SCARF2: variants seen among roughly 807,000 people sequenced by gnomAD.
SCARF2 encodes scavenger receptor class F member 2, also known as scavenger receptor expressed by endothelial cells 2 protein.
SCARF2 carries 39 observed loss-of-function variants against 73.4 expected under a neutral mutation model. That is an observed-to-expected ratio of 0.53 (90% CI 0.41 to 0.69). The LOEUF (loss-of-function observed/expected upper bound fraction) is 0.69. Ranked by LOEUF, SCARF2 falls within the 30% of genes least tolerant of loss-of-function variation. The pLI is 0.00. For synonymous variants in SCARF2, 605 were observed against 590.0 expected (o/e 1.03, Z -0.37); for missense variants, 1,148 against 1,303.5 (o/e 0.88, Z 1.84).
At chr22:20,426,379 G>T in intron 10 of SCARF2, 97 bp from the exon 11 acceptor site, 2 of 1,372,650 alleles carry the variant, frequency 1.5e-6, no homozygotes, top group Non-Finnish European at 2.0e-6. Context: ...CTCTACCCAC[G>T]CCCTTGGCAC....
At position 20,429,104 on chromosome 22, in the gene SCARF2, C is replaced by T. The variant is rs2072455237; in HGVS notation, c.1540+121G>A. ...CTGGTCGCACCTCCTCGCGCCCACG[C>T]ACATCAACACTCAAGGTCCCCCATT... On this transcript the variant is annotated intron_variant, in intron 9 of 10. Coordinates refer to ENST00000622235, the MANE Select transcript of SCARF2 (RefSeq NM_182895.5). The surrounding 1 kb of genome is among the most constrained non-coding windows in gnomAD (Gnocchi z 5.2). 1.5e-6 allele frequency: 2 copies of T among 1,341,748 alleles called. No individual in the cohort carries two copies. Among genetic ancestry groups the T allele is most frequent in the Non-Finnish European group, 1.1e-6 (1 of 944,272 alleles). 83.1% of individuals were successfully genotyped at this position (1,341,748 alleles called of 1,614,324 possible).
At chr22:20,432,148 T>G (rs1354640321) in intron 1 of SCARF2, among the ~76,000 whole-genome samples, 160 bp from the exon 2 acceptor site, 1 of 151,838 alleles carries the variant, frequency 6.6e-6, no homozygotes, top group Non-Finnish European at 1.5e-5. Context: ...CGTCTGGCGG[T>G]GGAGGATTGC....
chr22:20,429,660 G>A lies in SCARF2; in HGVS notation c.1307-7C>T, dbSNP rs758312309. 21 of 1,613,896 alleles carry A rather than the reference G, an allele frequency of 1.3e-5. No homozygotes were observed. The highest frequency in any genetic ancestry group is 3.3e-5 in the Admixed American group (2 of 60,006). On this transcript the variant is annotated splice_polypyrimidine_tract_variant and splice_region_variant and intron_variant, in intron 7 of 10. Coordinates refer to ENST00000622235, the MANE Select transcript of SCARF2 (RefSeq NM_182895.5). The surrounding 1 kb of genome is among the most constrained non-coding windows in gnomAD (Gnocchi z 5.2). Reference sequence around the variant, plus strand: ...CCCTTGCGCTGGTTGGTTTCTGTAGGGGGTTATGGGGTCAGCGCGGTTTCT... The same window carrying A: ...CCCTTGCGCTGGTTGGTTTCTGTAGAGGGTTATGGGGTCAGCGCGGTTTCT...
At chr22:20,437,192 G>A (rs1333669347) in intron 1 of SCARF2, among the ~76,000 whole-genome samples, 2 of 152,186 alleles carry the variant, frequency 1.3e-5, no homozygotes, top group African/African-American at 4.8e-5. Context: ...CCCACTCCCG[G>A]CTCCAGTCGG....
rs550586346 is a variant in SCARF2 at position 20,426,980 on chromosome 22, C to T, written c.1693+418G>A. ...TGAGGCTCTGAGTTGGTCACCTGCC[C>T]GTGGCATCTGGGGGCACAGTCAAGG... is the stretch of plus-strand genomic sequence containing the variant. On this transcript the variant is annotated intron_variant, in intron 10 of 10. Transcript: ENST00000622235. Among the ~76,000 whole-genome samples the T allele has an allele frequency of 2.0e-4, 30 of 152,066 alleles. 1 individual carries two copies. In the South Asian group the frequency reaches 5.8e-3, roughly 29 times the overall value.
chr22:20,430,737 A>C lies in SCARF2; in HGVS notation c.1026T>G (p.His342Gln). 1.2e-6 allele frequency: 2 copies of C among 1,607,806 alleles called. No homozygotes were observed. Among genetic ancestry groups the C allele is most frequent in the Middle Eastern group, 1.7e-4 (1 of 6,054 alleles). The change falls in exon 5 of 11, where the codon CAT becomes CAG. Residue 342 changes from histidine (H) to glutamine (Q), a missense_variant. Physicochemically the swap from His to Gln is conservative, Grantham distance 24. Around this residue, in one of 5 missense-constraint regions of SCARF2, gnomAD observed 372 missense variants for 532.0 expected, o/e 0.70. Coordinates refer to ENST00000622235, the MANE Select transcript of SCARF2 (RefSeq NM_182895.5). The stretch of plus-strand genomic sequence containing the variant: ...TGCAGCGCGTACACTTGCCGGTGAC[A>C]TGGTTACAGGCATGCCCGTCGCGGC... ...PPCRDGHACNHVTGKCTRCNA... is the reference protein window; with the variant it reads ...PPCRDGHACNQVTGKCTRCNA...
In SCARF2 at chr22:20,427,815, G is replaced by C. The variant is rs2241231; in HGVS notation, c.1541-265C>G. ...CATCCAGGGAGCTGGAAAAGGTTGG[G>C]CTGACGTGTTGAGAAAAGGCCAGAA... On this transcript the variant is annotated intron_variant, in intron 9 of 10. Transcript: ENST00000622235. Among the ~76,000 whole-genome samples the C allele has an allele frequency of 0.082, 12,467 of 152,312 alleles. 1,197 individuals are homozygous for C. The highest frequency in any genetic ancestry group is 0.47 in the East Asian group (2,409 of 5,166).
rs1244280611 is a variant in SCARF2, at chr22:20,431,161, G to A, written c.711C>T (p.Gly237=). ...GRCQCRERTF[G]ARCDRYCQCF... is the part of the protein sequence containing the mutation. ...ACTGGCAGTAGCGATCGCAGCGCGC[G>A]CCGAACGTACGCTCGCGGCACTGAC... is the stretch of plus-strand genomic sequence containing the variant. Residue 237 remains glycine, a synonymous_variant, in exon 4 of 11, where the codon GGC becomes GGT. Coordinates refer to ENST00000622235, the MANE Select transcript of SCARF2 (RefSeq NM_182895.5). The A allele has an allele frequency of 1.3e-6, 2 of 1,567,284 alleles. No individual in the cohort carries two copies. Among genetic ancestry groups the A allele is most frequent in the South Asian group, 1.2e-5 (1 of 86,888 alleles).
intron 1 of SCARF2, among the ~76,000 whole-genome samples, chr22:20,433,989 C>T (rs1205764740): frequency 6.6e-6 from 1 of 152,222 alleles, no homozygotes. Flanking sequence ...GTGGCTAGGA[C>T]CCTCGTTTTA....
Position 20,425,295 on chromosome 22 carries a change from T to A in SCARF2, c.*80A>T, listed in dbSNP as rs930220450. The A allele has an allele frequency of 1.1e-4, 128 of 1,216,298 alleles. 1 individual carries two copies. Among genetic ancestry groups the A allele is most frequent in the Middle Eastern group, 3.1e-4 (1 of 3,276 alleles). 75.3% of individuals were successfully genotyped at this position (1,216,298 alleles called of 1,614,324 possible). ...TGCCCGGCCAATAGGAGGCCGCCCG[T>A]GCCCGGTAGCGTGGGAGGTGTGGGG... On this transcript the variant is annotated 3_prime_UTR_variant, in exon 11 of 11. Coordinates refer to ENST00000622235, the MANE Select transcript of SCARF2 (RefSeq NM_182895.5). The surrounding 1 kb of genome is among the most constrained non-coding windows in gnomAD (Gnocchi z 4.6).
At chr22:20,430,967 G>A (rs775007298) in intron 4 of SCARF2, 51 bp downstream of exon 4, 2 of 1,563,496 alleles carry the variant, frequency 1.3e-6, no homozygotes, top group South Asian at 1.2e-5. Context: ...TGTCCCCATC[G>A]GCGGCCCGCC....
At chr22:20,435,857 T>G (rs1319505314) in intron 1 of SCARF2, among the ~76,000 whole-genome samples, 1 of 152,246 alleles carries the variant, frequency 6.6e-6, no homozygotes, top group African/African-American at 2.4e-5. Flanking sequence ...AATACAGGCC[T>G]GGCACAGTGT....
At chr22:20,435,365 C>T (rs776617934) in intron 1 of SCARF2, among the ~76,000 whole-genome samples, 15 of 152,184 alleles carry the variant, frequency 9.9e-5, no homozygotes, top group Non-Finnish European at 1.6e-4. Flanking sequence ...CTTTTTGTAA[C>T]TGGCCCCAGC....
chr22:20,431,703 A>T (rs546631600), intron 3 of SCARF2, 42 bp downstream of exon 3: 2 of 869,686 alleles, frequency 2.3e-6, no homozygotes, highest in Non-Finnish European at 3.4e-6. Context: ...TCTCTCCAGG[A>T]TTCCGCCCCA....
Position 20,429,149 on chromosome 22 carries a change from C to T in SCARF2, c.1540+76G>A. On this transcript the variant is annotated intron_variant, in intron 9 of 10. Coordinates refer to ENST00000622235, the MANE Select transcript of SCARF2 (RefSeq NM_182895.5). This position sits in a 1 kb window ranked among gnomAD's most constrained non-coding sequence, Gnocchi z 5.2. ...CCCATTTCCTCACTGAGATCTGGAC[C>T]CCCTCACACCCATTTCCCAGCAGCT... The T allele has an allele frequency of 6.3e-7, 1 of 1,580,398 alleles. No individual in the cohort carries two copies.
Position 20,429,904 on chromosome 22 carries a change from C to G in SCARF2, c.1203-71G>C. 6.8e-7 allele frequency: 1 copy of G among 1,479,808 alleles called. No individual in the cohort carries two copies. The highest frequency in any genetic ancestry group is 1.2e-5 in the South Asian group (1 of 84,942). The allele number at this position is 1,479,808 out of a possible 1,614,324, so 91.7% of individuals were successfully genotyped here. A position where few individuals can be genotyped will look rare whatever the true frequency, so the allele number is the denominator to read the frequency against. Reference sequence around the variant, plus strand: ...ATGCCCCCTACCCTCACCCCTCACCCGCGGCCAGGGCCCAGGGTCCAGGGT... The same window carrying G: ...ATGCCCCCTACCCTCACCCCTCACCGGCGGCCAGGGCCCAGGGTCCAGGGT... On this transcript the variant is annotated intron_variant, in intron 6 of 10. Transcript: ENST00000622235. The surrounding 1 kb of genome is among the most constrained non-coding windows in gnomAD (Gnocchi z 5.2).
rs747655181 is a variant in SCARF2 at position 20,425,837 on chromosome 22, G to A, written c.2139C>T (p.Ser713=). Residue 713 remains serine, a synonymous_variant, in exon 11 of 11, where the codon AGC becomes AGT. Coordinates refer to ENST00000622235, the MANE Select transcript of SCARF2 (RefSeq NM_182895.5). This position sits in a 1 kb window ranked among gnomAD's most constrained non-coding sequence, Gnocchi z 4.6. ...DKSAHTVEHG[S]PRTRDPTPRP... is the part of the protein sequence containing the mutation. ...GCGGCGTTGGGTCGCGGGTCCGGGG[G>A]CTGCCGTGTTCGACCGTATGCGCCG... 1.3e-6 allele frequency: 2 copies of A among 1,577,044 alleles called. No individual in the cohort carries two copies. The highest frequency in any genetic ancestry group is 1.7e-5 in the Admixed American group (1 of 57,484).
In SCARF2 at chr22:20,429,824, C is replaced by T; in HGVS notation, c.1212G>A (p.Val404=). 1 of 1,612,758 alleles carries T rather than the reference C, an allele frequency of 6.2e-7. No individual in the cohort carries two copies. The highest frequency in any genetic ancestry group is 1.7e-5 in the Admixed American group (1 of 59,982). The change falls in exon 7 of 11, where the codon GTG becomes GTA. Residue 404 remains valine (V), a synonymous_variant. Transcript: ENST00000622235. The surrounding 1 kb of genome is among the most constrained non-coding windows in gnomAD (Gnocchi z 5.2). ...SPGVHGPHCN[V]TCPPGLHGAD... ...CGCCGTGGAGTCCGGGCGGGCACGT[C>T]ACGTTACAGCTGCCGGGACATAGGG...
chr22:20,425,154 G>C lies in SCARF2; in HGVS notation c.*221C>G. On this transcript the variant is annotated 3_prime_UTR_variant, in exon 11 of 11. Coordinates refer to ENST00000622235, the MANE Select transcript of SCARF2 (RefSeq NM_182895.5). The surrounding 1 kb of genome is among the most constrained non-coding windows in gnomAD (Gnocchi z 4.6). ...CAATGGGGAGGGAGTCGCCCGCTAA[G>C]CGCCTGTCAGGCCTCGACCAACGGG... The C allele has an allele frequency of 5.0e-6, 2 of 401,664 alleles. No individual in the cohort carries two copies. The highest frequency in any genetic ancestry group is 8.7e-6 in the Non-Finnish European group (2 of 230,182). 24.9% of individuals were successfully genotyped at this position (401,664 alleles called of 1,614,324 possible).
Sources: allele counts gnomAD v4.1 joint callset (sites outside exome capture counted in the v4.1 genomes callset), GRCh38; gene constraint gnomAD v4.1.1; regional missense constraint gnomAD v4.1.1; non-coding constraint Gnocchi (gnomAD v3.1); transcripts MANE v1.5; gene names NCBI Gene and HGNC (gene_info 2026-07-23, HGNC 2026-07-21).